The following OR9Q1 variants were observed in gnomAD, a reference collection of about 807,000 sequenced individuals.
OR9Q1 encodes olfactory receptor 9Q1.
For synonymous variants in OR9Q1, 153 were observed against 148.6 expected (o/e 1.03, Z -0.22); for missense variants, 374 against 378.8 (o/e 0.99, Z 0.11).
chr11:58,067,329 C>T (rs992210477), intron 2 of OR9Q1, among the ~76,000 whole-genome samples: 1 of 152,184 alleles, frequency 6.6e-6, no homozygotes, highest in African/African-American at 2.4e-5. Flanking sequence ...CGCCACCAAG[C>T]CCGGTCCTGT....
At chr11:58,106,213 T>C (rs1248710979) in intron 2 of OR9Q1, among the ~76,000 whole-genome samples, 1 of 151,818 alleles carries the variant, frequency 6.6e-6, no homozygotes, top group Non-Finnish European at 1.5e-5. Context: ...GGTATCTCAT[T>C]GTAGTTTTGA....
intron 2 of OR9Q1, among the ~76,000 whole-genome samples, chr11:58,116,548 T>A (rs1205713274): frequency 6.6e-6 from 1 of 152,238 alleles, no homozygotes; most frequent in Non-Finnish European, 1.5e-5. Flanking sequence ...TGGTTTTAAG[T>A]ATGCATTTCC....
chr11:58,137,569 AC>A (rs769507259), intron 2 of OR9Q1, among the ~76,000 whole-genome samples: 2 of 152,188 alleles, frequency 1.3e-5, no homozygotes, highest in Admixed American at 1.3e-4. Flanking sequence ...ATGTAAAGCC[AC>A]TAGAAAAGTC....
At chr11:58,060,049 C>G (rs1590564082) in intron 2 of OR9Q1, 1 of 152,396 alleles carries the variant, frequency 6.6e-6, no homozygotes, top group African/African-American at 2.4e-5. Context: ...TGCTGGGAGA[C>G]TTGGGGTAGG....
At chr11:58,156,828 A>G (rs561536374) in intron 2 of OR9Q1, among the ~76,000 whole-genome samples, 1 of 152,276 alleles carries the variant, frequency 6.6e-6, no homozygotes, top group African/African-American at 2.4e-5. Context: ...TGGATAGTAG[A>G]GCCCTTTGCT....
At chr11:58,082,393 A>G (rs1853596153) in intron 2 of OR9Q1, among the ~76,000 whole-genome samples, 1 of 152,048 alleles carries the variant, frequency 6.6e-6, no homozygotes, top group African/African-American at 2.4e-5. Flanking sequence ...AGGCACATAT[A>G]CACCATGGAA....
intron 2 of OR9Q1, among the ~76,000 whole-genome samples, chr11:58,142,301 A>T (rs566517755): frequency 1.3e-5 from 2 of 152,206 alleles, no homozygotes; most frequent in African/African-American, 4.8e-5. Context: ...GTTCCAAGCA[A>T]CTAGAAAAGT....
rs756622959 is a variant in OR9Q1, at chr11:58,082,565, GA to G, written c.-15+26620del. ...GAACAATGAGAACACATGGACACAGGAAGGGGATCATCACACTCTGGGGCCT... is the reference window on the plus strand; with the variant it reads ...GAACAATGAGAACACATGGACACAGGAGGGGATCATCACACTCTGGGGCCT... On this transcript the variant is annotated intron_variant, in intron 2 of 2. Coordinates refer to ENST00000335397, the MANE Select transcript of OR9Q1 (RefSeq NM_001005212.4). Among the ~76,000 whole-genome samples the G allele has an allele frequency of 1.7e-3, 202 of 117,390 alleles. 1 individual carries two copies. Among genetic ancestry groups the G allele is most frequent in the Non-Finnish European group, 2.3e-3 (137 of 59,934 alleles). The allele number at this position is 117,390 out of a possible 152,430, so 77.0% of individuals were successfully genotyped here.
intron 2 of OR9Q1, among the ~76,000 whole-genome samples, chr11:58,166,693 T>C (rs188743744): frequency 1.6e-3 from 238 of 152,282 alleles, no homozygotes; most frequent in African/African-American, 5.3e-3. Context: ...TTTCCCACAA[T>C]TTTATTTTTT....
At chr11:58,131,689 G>GT (rs1052276994) in intron 2 of OR9Q1, among the ~76,000 whole-genome samples, 2 of 152,034 alleles carry the variant, frequency 1.3e-5, no homozygotes, top group African/African-American at 4.8e-5. Flanking sequence ...TTGGGGGTTA[G>GT]TTTTTTCTTT....
intron 2 of OR9Q1, among the ~76,000 whole-genome samples, chr11:58,067,769 G>T (rs1379499719): frequency 6.6e-6 from 1 of 152,098 alleles, no homozygotes; most frequent in African/African-American, 2.4e-5. Flanking sequence ...GGGGTGATTT[G>T]CTCCAGGTCA....
chr11:58,024,802 C>A lies in OR9Q1; in HGVS notation c.-93+698C>A, dbSNP rs562089709. Among the ~76,000 whole-genome samples the A allele has an allele frequency of 2.0e-5, 3 of 152,280 alleles. No individual in the cohort carries two copies. In the South Asian group the frequency reaches 6.2e-4, roughly 32 times the overall value. On this transcript the variant is annotated intron_variant, in intron 1 of 2. Transcript: ENST00000335397. The stretch of plus-strand genomic sequence containing the variant: ...ACTGTGCTTTGCAGCTCACTGGAGC[C>A]TGTGGGATATTCCTCCAGCCTTGGC...
intron 2 of OR9Q1, among the ~76,000 whole-genome samples, chr11:58,111,958 G>A (rs1056254164): frequency 2.0e-5 from 3 of 152,090 alleles, no homozygotes; most frequent in African/African-American, 4.8e-5. Context: ...TGATCTTCCA[G>A]TACTGTTTCT....
At chr11:58,174,385 T>C (rs1006485621) in intron 2 of OR9Q1, among the ~76,000 whole-genome samples, 4 of 152,160 alleles carry the variant, frequency 2.6e-5, no homozygotes, top group Non-Finnish European at 5.9e-5. Flanking sequence ...AGCTAAATCC[T>C]GTCTGGCCAC....
chr11:58,040,755 C>T (rs1248588720), intron 1 of OR9Q1: 1 of 152,342 alleles, frequency 6.6e-6, no homozygotes, highest in Non-Finnish European at 1.5e-5. Flanking sequence ...GAGAAAGCCA[C>T]GCTCCCTATG....
At chr11:58,092,331 ATT>A (rs34164951) in intron 2 of OR9Q1, among the ~76,000 whole-genome samples, 25 of 150,048 alleles carry the variant, frequency 1.7e-4, no homozygotes, top group East Asian at 7.8e-4. Flanking sequence ...CTTAATTCTA[ATT>A]TTTTTTTTTA....
intron 2 of OR9Q1, among the ~76,000 whole-genome samples, chr11:58,129,582 C>T (rs1854121898): frequency 1.3e-5 from 2 of 152,138 alleles, no homozygotes; most frequent in Admixed American, 6.5e-5. Context: ...TTTCTTGAGA[C>T]CCCAGCATAT....
intron 2 of OR9Q1, among the ~76,000 whole-genome samples, chr11:58,104,997 A>G (rs996057753): frequency 5.3e-5 from 8 of 152,138 alleles, no homozygotes; most frequent in Admixed American, 1.3e-4. Context: ...AATTTTCATC[A>G]TCTTTAATTT....
intron 2 of OR9Q1, among the ~76,000 whole-genome samples, chr11:58,141,062 G>C (rs920328472): frequency 6.6e-6 from 1 of 152,140 alleles, no homozygotes; most frequent in African/African-American, 2.4e-5. Context: ...GTGAATGGGA[G>C]TTCACTCATG....
Sources: gnomAD v4.1 joint callset for allele counts (sites outside exome capture counted in the v4.1 genomes callset) on GRCh38, gnomAD v4.1.1 for gene constraint, MANE v1.5 for transcripts, NCBI Gene and HGNC (gene_info 2026-07-23, HGNC 2026-07-21) for gene names.